The following MMP16 variants were observed in gnomAD, a reference collection of about 807,000 sequenced individuals.
MMP16 encodes the protein matrix metalloproteinase-16.
In MMP16, 12 loss-of-function variants were observed where a neutral mutation model predicts 67.8. The ratio of observed to expected loss-of-function variants is 0.18; its 90% CI spans 0.11 to 0.29. The LOEUF (loss-of-function observed/expected upper bound fraction) is 0.29. Among genes scored for constraint, MMP16 ranks in the 10% least tolerant of loss-of-function variants. The probability of loss-of-function intolerance (pLI) is 1.00; values close to 1 mark genes in which losing one functional copy is unlikely to be tolerated. For missense variants in MMP16, 475 were observed against 765.7 expected, an observed-to-expected ratio of 0.62 and a Z score of 4.48; for synonymous variants, 249 against 255.9, an observed-to-expected ratio of 0.97 and a Z score of 0.26.
intron 9 of MMP16, among the ~76,000 whole-genome samples, chr8:88,042,863 A>G (rs951971789): frequency 1.3e-5 from 2 of 152,166 alleles, no homozygotes; most frequent in African/African-American, 4.8e-5. Flanking sequence ...CAGCTCATTC[A>G]TGTCAAGTTT....
intron 1 of MMP16, among the ~76,000 whole-genome samples, chr8:88,281,521 T>C (rs1285320146): frequency 6.6e-6 from 1 of 152,222 alleles, no homozygotes; most frequent in African/African-American, 2.4e-5. Flanking sequence ...TTGTGGATGT[T>C]AATATCAGAA....
At chr8:88,249,237 A>C (rs1810168685) in intron 1 of MMP16, among the ~76,000 whole-genome samples, 1 of 152,030 alleles carries the variant, frequency 6.6e-6, no homozygotes, top group Non-Finnish European at 1.5e-5. Context: ...TATCTGATGG[A>C]AACAGAGGGA....
chr8:88,151,875 G>A (rs1264538107), intron 4 of MMP16, among the ~76,000 whole-genome samples: 1 of 87,640 alleles, frequency 1.1e-5, no homozygotes, highest in Admixed American at 1.3e-4. Context: ...GAGCAGAACT[G>A]AAGGAAATAG....
intron 1 of MMP16, among the ~76,000 whole-genome samples, chr8:88,238,663 TA>T (rs34127125): frequency 0.014 from 1,400 of 99,880 alleles, 8 homozygotes; most frequent in African/African-American, 0.028. Context: ...AAGACTCTGT[TA>T]AAAAAAAAAA....
chr8:88,219,660 TTAAAA>T (rs1188049268), intron 1 of MMP16, among the ~76,000 whole-genome samples: 37 of 152,256 alleles, frequency 2.4e-4, no homozygotes, highest in African/African-American at 8.9e-4. Flanking sequence ...ATGCACTGCA[TTAAAA>T]TAAAACTTCA....
intron 1 of MMP16, among the ~76,000 whole-genome samples, chr8:88,303,070 T>TA (rs1435185892): frequency 2.6e-5 from 4 of 152,278 alleles, no homozygotes; most frequent in Non-Finnish European, 5.9e-5. Flanking sequence ...TACACAGAGC[T>TA]ATGCAGAGTC....
chr8:88,282,343 G>A (rs1370634636), intron 1 of MMP16, among the ~76,000 whole-genome samples: 2 of 152,192 alleles, frequency 1.3e-5, no homozygotes, highest in Non-Finnish European at 2.9e-5. Flanking sequence ...AAAGTGCTGG[G>A]ATTACAGGCG....
intron 1 of MMP16, among the ~76,000 whole-genome samples, chr8:88,203,104 CTTT>C (rs33928858): frequency 2.4e-5 from 3 of 123,162 alleles, no homozygotes; most frequent in Admixed American, 9.1e-5. Context: ...ACCAGAACTT[CTTT>C]TTTTTTTTTT....
chr8:88,250,353 T>A (rs1810190670), intron 1 of MMP16, among the ~76,000 whole-genome samples: 1 of 152,104 alleles, frequency 6.6e-6, no homozygotes, highest in Non-Finnish European at 1.5e-5. Context: ...TACTTGACAC[T>A]CTGAAAATGT....
chr8:88,045,477 C>A (rs1412513210), intron 9 of MMP16, among the ~76,000 whole-genome samples: 1 of 151,942 alleles, frequency 6.6e-6, no homozygotes, highest in Non-Finnish European at 1.5e-5. Context: ...TTCAAGCAAT[C>A]CTCCTGCCTC....
chr8:88,046,911 C>T (rs1808206224), intron 8 of MMP16, 127 bp from the exon 9 acceptor site: 1 of 508,900 alleles, frequency 2.0e-6, no homozygotes, highest in Admixed American at 4.0e-5. Context: ...TACCTGTGCA[C>T]CTGTTAATGA....
At chr8:88,117,393 T>TA in intron 5 of MMP16, among the ~76,000 whole-genome samples, 1 of 152,260 alleles carries the variant, frequency 6.6e-6, no homozygotes, top group Middle Eastern at 3.4e-3. Context: ...TGTAATTTGG[T>TA]ACAGATGTAA....
chr8:88,046,869 T>A, intron 8 of MMP16, 85 bp from the exon 9 acceptor site: 1 of 807,224 alleles, frequency 1.2e-6, no homozygotes, highest in Non-Finnish European at 1.9e-6. Context: ...TAGCTGACAT[T>A]TATTAGACCT....
intron 6 of MMP16, among the ~76,000 whole-genome samples, chr8:88,079,656 G>C (rs773405059): frequency 2.6e-5 from 4 of 152,174 alleles, no homozygotes; most frequent in Non-Finnish European, 5.9e-5. Context: ...GCTATGATCT[G>C]AATGTTTGTG....
chr8:88,059,488 C>CT (rs764794962), intron 7 of MMP16, among the ~76,000 whole-genome samples: 41 of 152,064 alleles, frequency 2.7e-4, no homozygotes, highest in Non-Finnish European at 5.6e-4. Context: ...ATCTGAATAC[C>CT]TTTCTTATTT....
chr8:88,085,585 A>G (rs1488447024), intron 6 of MMP16, among the ~76,000 whole-genome samples: 1 of 152,046 alleles, frequency 6.6e-6, no homozygotes, highest in Non-Finnish European at 1.5e-5. Context: ...ACTTTATTAT[A>G]GTAGAGGAAG....
intron 1 of MMP16, among the ~76,000 whole-genome samples, chr8:88,289,723 CACACACA>C (rs1367791363): frequency 6.0e-5 from 9 of 151,244 alleles, no homozygotes; most frequent in South Asian, 2.1e-4. Flanking sequence ...CACACACACA[CACACACA>C]CCCCACTCAT....
chr8:88,171,703 G>GT, intron 3 of MMP16, among the ~76,000 whole-genome samples: 1 of 152,170 alleles, frequency 6.6e-6, no homozygotes, highest in South Asian at 2.1e-4. Context: ...GTTCAAAATG[G>GT]AAATAAGCAC....
intron 7 of MMP16, among the ~76,000 whole-genome samples, chr8:88,068,740 C>CT (rs1351201298): frequency 1.3e-5 from 2 of 151,972 alleles, no homozygotes; most frequent in Non-Finnish European, 2.9e-5. Flanking sequence ...CTTGCTCTAT[C>CT]ACCCAGGCTG....
Sources: gnomAD v4.1 joint callset for allele counts (sites outside exome capture counted in the v4.1 genomes callset) on GRCh38, gnomAD v4.1.1 for gene constraint, MANE v1.5 for transcripts, NCBI Gene and HGNC (gene_info 2026-07-23, HGNC 2026-07-21) for gene names.